CHD9: variants seen among roughly 807,000 people sequenced by gnomAD.
CHD9 encodes chromodomain helicase DNA binding protein 9, also known as ATP-dependent chromatin remodeler CHD9.
Under a neutral mutation model 316.1 loss-of-function variants are expected in CHD9, and 77 were observed. The ratio of observed to expected loss-of-function variants is 0.24; its 90% CI spans 0.20 to 0.29. CHD9 has a LOEUF of 0.29. Ranked by LOEUF, CHD9 falls within the 10% of genes least tolerant of loss-of-function variation. The probability of loss-of-function intolerance (pLI) is 1.00; values close to 1 mark genes in which losing one functional copy is unlikely to be tolerated. For synonymous variants in CHD9, 1,129 were observed against 1,158.3 expected (o/e 0.97, Z 0.51); for missense variants, 2,763 against 3,438.1 (o/e 0.80, Z 4.91).
At chr16:53,321,895 A>C (rs929622007) in intron 38 of CHD9, among the ~76,000 whole-genome samples, 5 of 152,144 alleles carry the variant, frequency 3.3e-5, no homozygotes, top group Admixed American at 6.6e-5. Context: ...TATATGAGCA[A>C]ATATGTAAGG....
At position 53,087,443 on chromosome 16, in the gene CHD9, C is replaced by T. The variant is rs111589397; in HGVS notation, c.-165+32366C>T. Among the ~76,000 whole-genome samples, 378 of 152,294 alleles carry T rather than the reference C, an allele frequency of 2.5e-3. 8 individuals carry two copies. Among genetic ancestry groups the T allele is most frequent in the African/African-American group, 8.6e-3 (356 of 41,570 alleles). ...TGAGACTCGGGTCTATTCCCAAGTC[C>T]TCATGCAGTGGATAGGATGCAAGCT... is the stretch of plus-strand genomic sequence containing the variant. On this transcript the variant is annotated intron_variant, in intron 1 of 38. Coordinates refer to ENST00000447540, the MANE Select transcript of CHD9 (RefSeq NM_001308319.2).
intron 1 of CHD9, among the ~76,000 whole-genome samples, chr16:53,056,454 TG>T (rs2032131027): frequency 6.6e-6 from 1 of 152,252 alleles, no homozygotes; most frequent in Non-Finnish European, 1.5e-5. Context: ...GGTAGAACTA[TG>T]AATACTGCAT....
chr16:53,303,647 T>C, intron 30 of CHD9, 73 bp from the exon 31 acceptor site: 1 of 1,052,620 alleles, frequency 9.5e-7, no homozygotes, highest in Non-Finnish European at 1.3e-6. Context: ...TATATAAAGA[T>C]GTATTTATAA....
chr16:53,120,236 A>C (rs888361835), intron 1 of CHD9, among the ~76,000 whole-genome samples: 19 of 152,104 alleles, frequency 1.2e-4, no homozygotes, highest in African/African-American at 4.3e-4. Context: ...TGTCTCTAAA[A>C]AAATAAAAAT....
chr16:53,238,086 C>T (rs2048784717), intron 11 of CHD9, among the ~76,000 whole-genome samples: 1 of 151,968 alleles, frequency 6.6e-6, no homozygotes, highest in Non-Finnish European at 1.5e-5. Flanking sequence ...ATTGAGTTGG[C>T]CTTGCCCTTC....
rs2041494376 is a variant in CHD9, at chr16:53,155,946, T to C, written c.-144T>C. On this transcript the variant is annotated 5_prime_UTR_variant, in exon 2 of 39. An upstream start codon of the reference 5' UTR is lost. Coordinates refer to ENST00000447540, the MANE Select transcript of CHD9 (RefSeq NM_001308319.2). Reference sequence around the variant, plus strand: ...TCTAGGATTTTGACACTTCATGACATGTCATTATTTAGAGCAATAATGAAT... The same window carrying C: ...TCTAGGATTTTGACACTTCATGACACGTCATTATTTAGAGCAATAATGAAT... 1 of 721,438 alleles carries C rather than the reference T, an allele frequency of 1.4e-6. No individual in the cohort carries two copies. Among genetic ancestry groups the C allele is most frequent in the African/African-American group, 1.8e-5 (1 of 55,960 alleles). The allele number at this position is 721,438 out of a possible 1,614,324, so 44.7% of individuals were successfully genotyped here.
chr16:53,321,329 A>G (rs2153115354), intron 37 of CHD9, 197 bp from the exon 38 acceptor site: 8 of 1,367,240 alleles, frequency 5.9e-6, no homozygotes, highest in East Asian at 2.8e-5. Flanking sequence ...TAAAATTTAC[A>G]TTATCACATA....
chr16:53,118,920 G>A (rs368418955), intron 1 of CHD9, among the ~76,000 whole-genome samples: 4 of 151,444 alleles, frequency 2.6e-5, no homozygotes, highest in Non-Finnish European at 5.9e-5. Flanking sequence ...ACCCTCCCGC[G>A]TAGCTGGGAT....
At chr16:53,058,174 G>A (rs375830854) in intron 1 of CHD9, among the ~76,000 whole-genome samples, 7 of 152,264 alleles carry the variant, frequency 4.6e-5, no homozygotes, top group African/African-American at 9.6e-5. Context: ...AGGCTGGAGT[G>A]CAGTGGCACG....
Position 53,304,112 on chromosome 16 carries a change from G to T in CHD9, c.6106G>T (p.Asp2036Tyr), listed in dbSNP as rs1254676697. ...TCTTACCTCTCTACCTAGGCTCCTA[G>T]ATGCTAAAGGTATTATTCTAGAGGA... Reference protein sequence around the residue: ...SPLTSLPRLLDAKGIILEEMK... With the variant: ...SPLTSLPRLLYAKGIILEEMK... Residue 2036 changes from aspartate to tyrosine, a missense_variant, in exon 31 of 39, where the codon GAT (aspartate) becomes TAT (tyrosine). Coordinates refer to ENST00000447540, the MANE Select transcript of CHD9 (RefSeq NM_001308319.2). 2 of 1,613,828 alleles carry T rather than the reference G, an allele frequency of 1.2e-6. No homozygotes were observed. Among genetic ancestry groups the T allele is most frequent in the Non-Finnish European group, 1.7e-6 (2 of 1,179,834 alleles).
intron 3 of CHD9, among the ~76,000 whole-genome samples, chr16:53,213,541 A>G (rs1335878566): frequency 6.6e-6 from 1 of 152,226 alleles, no homozygotes; most frequent in Non-Finnish European, 1.5e-5. Flanking sequence ...TTGAAAACAG[A>G]AATGGAGGCT....
Position 53,267,356 on chromosome 16 carries a change from A to G in CHD9, c.4383A>G (p.Lys1461=), listed in dbSNP as rs770142198. 36 of 1,612,686 alleles carry G rather than the reference A, an allele frequency of 2.2e-5. No individual in the cohort carries two copies. Among genetic ancestry groups the G allele is most frequent in the Middle Eastern group, 3.3e-4 (2 of 6,072 alleles). Residue 1461 remains lysine, a synonymous_variant, in exon 21 of 39, where the codon AAA becomes AAG. Transcript: ENST00000447540. ...RKQTRPFSAT[K]DELAELSEAE... ...AAACAAGACCTTTTAGTGCCACAAA[A>G]GATGAATTGGCTGAATTATCTGAAG... is the stretch of plus-strand genomic sequence containing the variant.
At chr16:53,230,555 A>G (rs2048080707) in intron 8 of CHD9, among the ~76,000 whole-genome samples, 1 of 152,192 alleles carries the variant, frequency 6.6e-6, no homozygotes, top group Admixed American at 6.5e-5. Context: ...ACTATGATCT[A>G]GAAGTTCCTA....
intron 3 of CHD9, among the ~76,000 whole-genome samples, chr16:53,211,631 G>A (rs943829526): frequency 7.2e-5 from 11 of 152,014 alleles, no homozygotes; most frequent in Admixed American, 6.6e-4. Flanking sequence ...ATAAGTCGCA[G>A]GCAGATAAGT....
intron 19 of CHD9, among the ~76,000 whole-genome samples, chr16:53,260,054 C>T (rs537674707): frequency 2.0e-5 from 3 of 152,266 alleles, no homozygotes; most frequent in African/African-American, 7.2e-5. Flanking sequence ...ATTACTTGCA[C>T]GTAGTTAGAT....
rs996285358 is a variant in CHD9 at position 53,267,914 on chromosome 16, CT to C, written c.4518-7del. The stretch of plus-strand genomic sequence containing the variant: ...TGACTCAATATCAATGTAACTATAC[CT>C]TTTTTAACCAGGTGGGGCCGATGGA... On this transcript the variant is annotated splice_polypyrimidine_tract_variant and intron_variant, in intron 21 of 38. Transcript: ENST00000447540. 2.5e-6 allele frequency: 4 copies of C among 1,609,764 alleles called. No individual in the cohort carries two copies. The African/African-American group carries it at 4.0e-5, about 16-fold the overall frequency.
intron 3 of CHD9, among the ~76,000 whole-genome samples, chr16:53,215,166 T>C (rs1274181288): frequency 1.3e-5 from 2 of 152,196 alleles, no homozygotes; most frequent in East Asian, 3.8e-4. Context: ...TCCGCCTGCC[T>C]CGGCCTCCCA....
chr16:53,162,007 C>T (rs1047129421), intron 2 of CHD9, among the ~76,000 whole-genome samples: 2 of 152,160 alleles, frequency 1.3e-5, no homozygotes, highest in Non-Finnish European at 2.9e-5. Context: ...ACCTCAGCCT[C>T]CCAAAATGCT....
intron 1 of CHD9, among the ~76,000 whole-genome samples, chr16:53,154,172 G>A (rs2041336809): frequency 6.6e-6 from 1 of 151,916 alleles, no homozygotes; most frequent in African/African-American, 2.4e-5. Flanking sequence ...AAGTATCTGG[G>A]CTTCCTAATT....
Sources: gnomAD v4.1 joint callset for allele counts (sites outside exome capture counted in the v4.1 genomes callset) on GRCh38, gnomAD v4.1.1 for gene constraint, MANE v1.5 for transcripts, NCBI Gene and HGNC (gene_info 2026-07-23, HGNC 2026-07-21) for gene names.